The following ZNF606 variants were observed in gnomAD, a reference collection of about 807,000 sequenced individuals.
ZNF606 encodes zinc finger protein 328.
Under a neutral mutation model 74.9 loss-of-function variants are expected in ZNF606, and 37 were observed. The ratio of observed to expected loss-of-function variants is 0.49; its 90% CI spans 0.38 to 0.65. ZNF606 has a LOEUF of 0.65. ZNF606 is among the 30% of genes least tolerant of loss of function. The probability of loss-of-function intolerance (pLI) is 0.00; values close to 1 mark genes in which losing one functional copy is unlikely to be tolerated. For synonymous variants in ZNF606, 328 were observed against 312.4 expected (o/e 1.05, Z -0.53); for missense variants, 852 against 952.9 (o/e 0.89, Z 1.39).
At chr19:57,981,498 G>T (rs1433598641) in intron 6 of ZNF606, among the ~76,000 whole-genome samples, 3 of 152,142 alleles carry the variant, frequency 2.0e-5, no homozygotes, top group African/African-American at 7.2e-5. Flanking sequence ...AAGTTAGGTA[G>T]ATGAGCACAC....
intron 6 of ZNF606, among the ~76,000 whole-genome samples, chr19:57,985,362 C>A (rs1258367475): frequency 6.6e-6 from 1 of 152,136 alleles, no homozygotes; most frequent in Non-Finnish European, 1.5e-5. Context: ...CATTACTAGA[C>A]CTGCCTAGTG....
chr19:58,002,503 G>C lies in ZNF606; in HGVS notation c.-159C>G, dbSNP rs1353294126. On this transcript the variant is annotated 5_prime_UTR_variant, in exon 1 of 7. Coordinates refer to ENST00000551380, the MANE Select transcript of ZNF606 (RefSeq NM_001348022.3). ...GCGCCGAGGTCCGGCCCAGGAGTGCGCTTGGGAGCTCCCGGCGCGGCCTCG... is the reference window on the plus strand; with the variant it reads ...GCGCCGAGGTCCGGCCCAGGAGTGCCCTTGGGAGCTCCCGGCGCGGCCTCG... 2.2e-6 allele frequency: 1 copy of C among 444,646 alleles called. No homozygotes were observed. The highest frequency in any genetic ancestry group is 2.0e-5 in the African/African-American group (1 of 49,574). The allele number at this position is 444,646 out of a possible 1,614,324, so 27.5% of individuals were successfully genotyped here. A position where few individuals can be genotyped will look rare whatever the true frequency, so the allele number is the denominator to read the frequency against.
chr19:57,998,346 CA>C (rs1417601439), intron 4 of ZNF606: 1 of 151,998 alleles, frequency 6.6e-6, no homozygotes, highest in African/African-American at 2.4e-5. Context: ...ATTGTAATTA[CA>C]CTTATTACAT....
At chr19:57,997,481 G>T (rs549030453) in intron 4 of ZNF606, 1 of 152,260 alleles carries the variant, frequency 6.6e-6, no homozygotes, top group East Asian at 1.9e-4. Context: ...TTGCATTCCT[G>T]AAGATCTCAC....
At chr19:57,994,875 C>G (rs2073310947) in intron 4 of ZNF606, among the ~76,000 whole-genome samples, 1 of 152,076 alleles carries the variant, frequency 6.6e-6, no homozygotes, top group African/African-American at 2.4e-5. Context: ...CATGCGGCAG[C>G]ACTAGTAACA....
At chr19:57,984,093 C>T (rs961571021) in intron 6 of ZNF606, among the ~76,000 whole-genome samples, 4 of 152,124 alleles carry the variant, frequency 2.6e-5, no homozygotes, top group African/African-American at 9.7e-5. Flanking sequence ...AGCTGAATGA[C>T]GTAACTAACA....
chr19:57,999,586 G>A (rs573611505), intron 4 of ZNF606: 59 of 526,708 alleles, frequency 1.1e-4, no homozygotes, highest in African/African-American at 1.0e-3. Flanking sequence ...AACAAGCCAG[G>A]GAGAGTTGGA....
intron 1 of ZNF606, 90 bp from the exon 2 acceptor site, chr19:58,001,460 CA>C: frequency 1.0e-6 from 1 of 984,228 alleles, no homozygotes; most frequent in Non-Finnish European, 1.5e-6. Context: ...ACCGAAGCAA[CA>C]AAAAAACTTG....
chr19:57,987,518 G>T (rs920928294), intron 6 of ZNF606, among the ~76,000 whole-genome samples: 2 of 152,058 alleles, frequency 1.3e-5, no homozygotes, highest in Non-Finnish European at 2.9e-5. Flanking sequence ...GTACCCACAA[G>T]ATCTAAGTAA....
rs1177078077 is a variant in ZNF606 at position 57,988,272 on chromosome 19, G to A, written c.335C>T (p.Ser112Phe). 4.3e-6 allele frequency: 7 copies of A among 1,614,082 alleles called. No homozygotes were observed. Among genetic ancestry groups the A allele is most frequent in the Non-Finnish European group, 4.2e-6 (5 of 1,180,014 alleles). ...CGGCTCTTCTCCTTGCTCCAACAGG[G>A]AGATGACCTCAGGCTTGGCAATCTG... ...GNQIAKPEVI[S>F]LLEQGEEPWS... Residue 112 changes from serine (S) to phenylalanine (F), a missense_variant, in exon 6 of 7, where the codon TCC becomes TTC. Coordinates refer to ENST00000551380, the MANE Select transcript of ZNF606 (RefSeq NM_001348022.3).
At chr19:57,990,845 G>A (rs2073247552) in intron 4 of ZNF606, among the ~76,000 whole-genome samples, 1 of 152,024 alleles carries the variant, frequency 6.6e-6, no homozygotes. Context: ...AACTGCTTCT[G>A]CTCCAATAAA....
Position 57,978,610 on chromosome 19 carries a change from G to A in ZNF606, c.2070C>T (p.Asn690=). 1.3e-5 allele frequency: 21 copies of A among 1,614,004 alleles called. No individual in the cohort carries two copies. Among genetic ancestry groups the A allele is most frequent in the Non-Finnish European group, 1.8e-5 (21 of 1,180,016 alleles). Residue 690 remains asparagine, a synonymous_variant, in exon 7 of 7, where the codon AAC becomes AAT. Transcript: ENST00000551380. The surrounding 1 kb of genome is among the most constrained non-coding windows in gnomAD (Gnocchi z 4.4). ...GGTGTGCAATGAGGTGAGAACTACAGTTAAAGGATCTTTCACACTGATTAC... is the reference window on the plus strand; with the variant it reads ...GGTGTGCAATGAGGTGAGAACTACAATTAAAGGATCTTTCACACTGATTAC... The part of the protein sequence containing the change: ...YKCNQCERSF[N]CSSHLIAHRR...
rs2073427005 is a variant in ZNF606, at chr19:58,001,444, C to T, written c.-51-74G>A. 15 of 1,212,744 alleles carry T rather than the reference C, an allele frequency of 1.2e-5. No homozygotes were observed. In the South Asian group the frequency reaches 1.9e-4, roughly 16 times the overall value. The allele number at this position is 1,212,744 out of a possible 1,614,324, so 75.1% of individuals were successfully genotyped here. ...ACCAAGTGGGAACAAAGAAGGGAATCCATCCACCGAAGCAACAAAAAAACT... is the reference window on the plus strand; with the variant it reads ...ACCAAGTGGGAACAAAGAAGGGAATTCATCCACCGAAGCAACAAAAAAACT... On this transcript the variant is annotated intron_variant, in intron 1 of 6. Coordinates refer to ENST00000551380, the MANE Select transcript of ZNF606 (RefSeq NM_001348022.3).
chr19:58,002,005 C>A, intron 1 of ZNF606: 1 of 366,576 alleles, frequency 2.7e-6, no homozygotes, highest in South Asian at 2.0e-5. Context: ...GGTTCCAGAT[C>A]TTTGTACAAG....
rs1471992068 is a variant in ZNF606 at position 57,978,597 on chromosome 19, G to A, written c.2083C>T (p.Leu695Phe). 1 of 1,613,996 alleles carries A rather than the reference G, an allele frequency of 6.2e-7. No homozygotes were observed. Residue 695 changes from leucine (L) to phenylalanine (F), a missense_variant, in exon 7 of 7, where the codon CTC becomes TTC. By Grantham distance (22) the Leu-to-Phe change is conservative (BLOSUM62 0). Around this residue, in one of 3 missense-constraint regions of ZNF606, gnomAD observed 243 missense variants for 359.2 expected, o/e 0.68. Coordinates refer to ENST00000551380, the MANE Select transcript of ZNF606 (RefSeq NM_001348022.3). This position sits in a 1 kb window ranked among gnomAD's most constrained non-coding sequence, Gnocchi z 4.4. ...GTATGAGTTCTCCGGTGTGCAATGA[G>A]GTGAGAACTACAGTTAAAGGATCTT... Reference protein sequence around the residue: ...CERSFNCSSHLIAHRRTHTGE... With the variant: ...CERSFNCSSHFIAHRRTHTGE...
At chr19:58,000,285 G>A (rs1049404226) in intron 3 of ZNF606, 14 of 455,924 alleles carry the variant, frequency 3.1e-5, no homozygotes, top group African/African-American at 1.0e-4. Context: ...GCAGTGGCAC[G>A]ATCTTGGCTC....
intron 4 of ZNF606, chr19:57,998,706 A>G (rs1600228231): frequency 1.1e-5 from 1 of 92,886 alleles, no homozygotes; most frequent in African/African-American, 3.9e-5. Flanking sequence ...TAAACTTTAT[A>G]ATATGTCAGT....
chr19:57,981,168 G>A (rs939355533), intron 6 of ZNF606, among the ~76,000 whole-genome samples: 5 of 152,158 alleles, frequency 3.3e-5, no homozygotes, highest in Non-Finnish European at 7.3e-5. Flanking sequence ...TGGACTCCTA[G>A]ACTCAGGCAA....
chr19:57,986,312 C>T (rs1042999556), intron 6 of ZNF606, among the ~76,000 whole-genome samples: 3 of 151,994 alleles, frequency 2.0e-5, no homozygotes, highest in African/African-American at 4.8e-5. Context: ...CACAGTGAGG[C>T]GTGGTTGTGT....
Sources: gnomAD v4.1 joint callset for allele counts (sites outside exome capture counted in the v4.1 genomes callset) on GRCh38, gnomAD v4.1.1 for gene constraint, gnomAD v4.1.1 regional missense constraint, Gnocchi (gnomAD v3.1) non-coding constraint, MANE v1.5 for transcripts, NCBI Gene and HGNC (gene_info 2026-07-23, HGNC 2026-07-21) for gene names.